INPP5B: variants seen among roughly 807,000 people sequenced by gnomAD.
INPP5B encodes inositol polyphosphate-5-phosphatase B.
Under a neutral mutation model 118.5 loss-of-function variants are expected in INPP5B, and 90 were observed. That is an observed-to-expected ratio of 0.76 (90% CI 0.64 to 0.90). The LOEUF (loss-of-function observed/expected upper bound fraction) is 0.90, where lower values mean the gene tolerates loss of function less well. Among genes scored for constraint, INPP5B ranks in the 40% least tolerant of loss-of-function variants. The pLI is 0.00. For synonymous variants in INPP5B, 385 were observed against 418.9 expected (o/e 0.92, Z 0.99); for missense variants, 984 against 1,125.6 (o/e 0.87, Z 1.80).
At chr1:37,894,561 CTTTTTTT>C (rs759895009) in intron 7 of INPP5B, among the ~76,000 whole-genome samples, 91 of 139,018 alleles carry the variant, frequency 6.5e-4, no homozygotes, top group East Asian at 2.3e-3. Flanking sequence ...TTTCTTTTTT[CTTTTTTT>C]TTTTTTTTTT....
intron 7 of INPP5B, among the ~76,000 whole-genome samples, chr1:37,900,444 G>A (rs536688012): frequency 3.8e-4 from 57 of 150,988 alleles, no homozygotes; most frequent in African/African-American, 1.3e-3. Context: ...TAGTAGAGAC[G>A]GGGTTTCACA....
At chr1:37,891,252 C>A in intron 8 of INPP5B, 106 bp downstream of exon 8, 2 of 703,594 alleles carry the variant, frequency 2.8e-6, no homozygotes, top group Non-Finnish European at 4.8e-6. Flanking sequence ...AGGACACTTC[C>A]TAGGCCAGCT....
At chr1:37,917,308 T>TTATATATATATATATATATA (rs368327131) in intron 7 of INPP5B, among the ~76,000 whole-genome samples, 1,065 of 92,508 alleles carry the variant, frequency 0.012, 8 homozygotes, top group Non-Finnish European at 0.016. Context: ...AAAAAAATAA[T>TTATATATATATATATATATA]TATATATATA....
At chr1:37,871,270 C>A (rs1230325431) in intron 19 of INPP5B, among the ~76,000 whole-genome samples, 8 of 151,442 alleles carry the variant, frequency 5.3e-5, no homozygotes, top group Non-Finnish European at 1.5e-5. Context: ...CCAGCCTGGC[C>A]AACATGGCAA....
chr1:37,939,642 A>G (rs1413642380), intron 6 of INPP5B, among the ~76,000 whole-genome samples: 1 of 123,726 alleles, frequency 8.1e-6, no homozygotes, highest in Non-Finnish European at 1.9e-5. Flanking sequence ...ACGGGGTTTC[A>G]CCGTGTTAGC....
intron 13 of INPP5B, chr1:37,884,213 A>T (rs1249854054): frequency 1.3e-5 from 2 of 152,210 alleles, no homozygotes; most frequent in South Asian, 4.1e-4. Flanking sequence ...AAATTAAAAT[A>T]AATCTTTAAA....
intron 7 of INPP5B, among the ~76,000 whole-genome samples, chr1:37,893,304 C>T (rs772635110): frequency 1.3e-5 from 2 of 151,766 alleles, no homozygotes; most frequent in South Asian, 2.1e-4. Flanking sequence ...AGGCTGGTCT[C>T]GAACTCTTGA....
At chr1:37,871,149 C>A (rs1437507023) in intron 19 of INPP5B, among the ~76,000 whole-genome samples, 1 of 107,518 alleles carries the variant, frequency 9.3e-6, no homozygotes, top group Non-Finnish European at 1.8e-5. Context: ...CAGAGTAAGA[C>A]TGTCTCAAAA....
chr1:37,946,837 C>A (rs1480075482), intron 1 of INPP5B, among the ~76,000 whole-genome samples, 153 bp downstream of exon 1: 1 of 151,996 alleles, frequency 6.6e-6, no homozygotes, highest in African/African-American at 2.4e-5. Flanking sequence ...TGCTGCTTGC[C>A]CTTCACCCCC....
chr1:37,925,526 C>A lies in INPP5B; in HGVS notation c.532+6387G>T, dbSNP rs954842598. Reference sequence around the variant, plus strand: ...TAGCTGGGACTACAGGTGCGCACCACTGTGCCGGGCTAACAGTATATTTTA... The same window carrying A: ...TAGCTGGGACTACAGGTGCGCACCAATGTGCCGGGCTAACAGTATATTTTA... On this transcript the variant is annotated intron_variant, in intron 7 of 23. Transcript: ENST00000373024. Among the ~76,000 whole-genome samples the A allele has an allele frequency of 4.6e-5, 7 of 152,206 alleles. No individual in the cohort carries two copies. The South Asian group carries it at 1.4e-3, about 31-fold the overall frequency.
intron 2 of INPP5B, 121 bp from the exon 3 acceptor site, chr1:37,945,971 C>G: frequency 1.1e-6 from 1 of 869,978 alleles, no homozygotes; most frequent in Non-Finnish European, 1.8e-6. Context: ...GGTGAGCACT[C>G]AAACCATGTG....
Position 37,882,850 on chromosome 1 carries a change from A to G in INPP5B, c.1388T>C (p.Leu463Pro). 1 of 1,614,070 alleles carries G rather than the reference A, an allele frequency of 6.2e-7. No homozygotes were observed. The part of the protein sequence containing the change: ...EELDVEKVKK[L>P]IEEKDFQMLY... ...CATTTGAAAGTCCTTCTCTTCGATG[A>G]GCTTTTTCACTTTTTCCACATCCAG... Residue 463 changes from leucine to proline, a missense_variant, in exon 14 of 24, where the codon CTC becomes CCC. Transcript: ENST00000373024.
chr1:37,942,845 G>A (rs933131686), intron 5 of INPP5B, among the ~76,000 whole-genome samples: 1 of 147,414 alleles, frequency 6.8e-6, no homozygotes, highest in East Asian at 2.2e-4. Context: ...GGAGGCGGAG[G>A]TTGCAGTGAG....
At chr1:37,900,073 ATTTT>A (rs34018622) in intron 7 of INPP5B, among the ~76,000 whole-genome samples, 2 of 114,636 alleles carry the variant, frequency 1.7e-5, no homozygotes, top group African/African-American at 3.6e-5. Context: ...TTTACCTTGA[ATTTT>A]TTTTTTTTTT....
At chr1:37,896,421 T>G (rs866949992) in intron 7 of INPP5B, among the ~76,000 whole-genome samples, 4,045 of 138,604 alleles carry the variant, frequency 0.029, 30 homozygotes, top group Admixed American at 0.041. Context: ...GGGAGGGAGG[T>G]GGGGGGGTCA....
chr1:37,899,719 C>CT lies in INPP5B; in HGVS notation c.533-8266dup, dbSNP rs58118510. Among the ~76,000 whole-genome samples the CT allele has an allele frequency of 1.5e-3, 211 of 143,868 alleles. 3 individuals are homozygous for CT. Among genetic ancestry groups the CT allele is most frequent in the South Asian group, 2.4e-3 (11 of 4,512 alleles). The allele number at this position is 143,868 out of a possible 152,430, so 94.4% of individuals were successfully genotyped here. A position where few individuals can be genotyped will look rare whatever the true frequency, so the allele number is the denominator to read the frequency against. On this transcript the variant is annotated intron_variant, in intron 7 of 23. Coordinates refer to ENST00000373024, the MANE Select transcript of INPP5B (RefSeq NM_005540.3). Reference sequence around the variant, plus strand: ...ACACATAAAAAGATTTCCATTTCATCTTTTTTTTTTTTTTTTATGGAGTCT... The same window carrying CT: ...ACACATAAAAAGATTTCCATTTCATCTTTTTTTTTTTTTTTTTATGGAGTCT...
intron 6 of INPP5B, 23 bp downstream of exon 6, chr1:37,940,664 CA>C: frequency 1.4e-6 from 2 of 1,479,330 alleles, no homozygotes; most frequent in Non-Finnish European, 1.9e-6. Flanking sequence ...CACCCACCCC[CA>C]GGGAGCCTGG....
At chr1:37,946,686 T>C (rs567323264) in intron 1 of INPP5B, among the ~76,000 whole-genome samples, 3 of 152,142 alleles carry the variant, frequency 2.0e-5, no homozygotes, top group South Asian at 4.1e-4. Context: ...GCTCTTCCTC[T>C]CTTTTGGGGA....
At chr1:37,885,993 G>A (rs1643509115) in intron 12 of INPP5B, among the ~76,000 whole-genome samples, 168 bp from the exon 13 acceptor site, 1 of 151,946 alleles carries the variant, frequency 6.6e-6, no homozygotes, top group African/African-American at 2.4e-5. Flanking sequence ...GCCTGGCCAA[G>A]ATGGTGAAAC....
Sources: gnomAD v4.1 joint callset for allele counts (sites outside exome capture counted in the v4.1 genomes callset) on GRCh38, gnomAD v4.1.1 for gene constraint, MANE v1.5 for transcripts, NCBI Gene and HGNC (gene_info 2026-07-23, HGNC 2026-07-21) for gene names.